Variants in HSPB6 observed in about 807,000 individuals in gnomAD.
The protein encoded by HSPB6 is heat shock protein beta-6.
In HSPB6, 8 loss-of-function variants were observed where a neutral mutation model predicts 10.7. That is an observed-to-expected ratio of 0.75 (90% CI 0.44 to 1.35). HSPB6 has a LOEUF of 1.35. Among genes scored for constraint, HSPB6 ranks in the 40% most tolerant of loss-of-function variants. The pLI is 0.00. For synonymous variants in HSPB6, 128 were observed against 114.2 expected, an observed-to-expected ratio of 1.12 and a Z score of -0.77; for missense variants, 232 against 236.0, an observed-to-expected ratio of 0.98 and a Z score of 0.11.
chr19:35,755,676 T>G lies in HSPB6; in HGVS notation c.329A>C (p.His110Pro). 6.5e-7 allele frequency: 1 copy of G among 1,535,374 alleles called. No individual in the cohort carries two copies. Among genetic ancestry groups the G allele is most frequent in the African/African-American group, 1.4e-5 (1 of 71,714 alleles). ...GTGGAACTCGCGCGCGACGAATCCG[T>G]GCTCATCCTGGAGGGGAGGGAGGCT... ...HARHEERPDEHGFVAREFHRR... is the reference protein window; with the variant it reads ...HARHEERPDEPGFVAREFHRR... The change falls in exon 3 of 3, where the codon CAC becomes CCC. Residue 110 changes from histidine to proline, a missense_variant. Transcript: ENST00000004982.
In HSPB6 at chr19:35,755,556, G is replaced by A. The variant is rs1970741858; in HGVS notation, c.449C>T (p.Ser150Leu). 5 of 1,505,032 alleles carry A rather than the reference G, an allele frequency of 3.3e-6. No individual in the cohort carries two copies. Among genetic ancestry groups the A allele is most frequent in the East Asian group, 2.6e-5 (1 of 38,608 alleles). 93.2% of individuals were successfully genotyped at this position (1,505,032 alleles called of 1,614,324 possible). ...TGCGGCTGGCGGTGGGGCCTGGGCC[G>A]ACGCTGGTGCGGCCTGGATGGACAG... ...GVLSIQAAPA[S>L]AQAPPPAAAK The change falls in exon 3 of 3, where the codon TCG becomes TTG. Residue 150 changes from serine to leucine, a missense_variant. Physicochemically the swap from Ser to Leu is moderately radical, Grantham distance 145 (BLOSUM62 -2). Transcript: ENST00000004982.
At chr19:35,756,493 C>G (rs1053221283) in intron 1 of HSPB6, among the ~76,000 whole-genome samples, 8 of 152,150 alleles carry the variant, frequency 5.3e-5, no homozygotes, top group Non-Finnish European at 1.0e-4. Flanking sequence ...AGTCACTGCC[C>G]GCCTCCTTTT....
At chr19:35,756,038 C>A in intron 1 of HSPB6, 144 bp from the exon 2 acceptor site, 2 of 1,156,434 alleles carry the variant, frequency 1.7e-6, no homozygotes, top group Admixed American at 2.6e-5. Flanking sequence ...TACTGGGAGT[C>A]ACCCAGGACC....
chr19:35,754,578 T>G lies in HSPB6; in HGVS notation c.*944A>C. ...AGGCACAAAGCAGTTGGCAGAGCTCTAGCACATTTATTGGGAGAGTAAGCC... is the reference window on the plus strand; with the variant it reads ...AGGCACAAAGCAGTTGGCAGAGCTCGAGCACATTTATTGGGAGAGTAAGCC... On this transcript the variant is annotated 3_prime_UTR_variant, in exon 3 of 3. Coordinates refer to ENST00000004982, the MANE Select transcript of HSPB6 (RefSeq NM_144617.3). The G allele has an allele frequency of 1.6e-5, 16 of 1,019,702 alleles. No homozygotes were observed. Among genetic ancestry groups the G allele is most frequent in the Non-Finnish European group, 2.1e-5 (14 of 660,498 alleles). 63.2% of individuals were successfully genotyped at this position (1,019,702 alleles called of 1,614,324 possible). A position where few individuals can be genotyped will look rare whatever the true frequency, so the allele number is the denominator to read the frequency against.
In HSPB6 at chr19:35,756,972, G is replaced by A; in HGVS notation, c.37C>T (p.Arg13Cys). ...IPVPVQPSWLRRASAPLPGLS... is the reference protein window; with the variant it reads ...IPVPVQPSWLCRASAPLPGLS... ...CCGGGCAACGGGGCCGAGGCGCGGC[G>A]CAGCCAAGACGGCTGCACAGGCACA... Residue 13 changes from arginine to cysteine, a missense_variant, in exon 1 of 3, where the codon CGC becomes TGC. Transcript: ENST00000004982. The A allele has an allele frequency of 6.5e-7, 1 of 1,545,380 alleles. No individual in the cohort carries two copies. Among genetic ancestry groups the A allele is most frequent in the Non-Finnish European group, 8.7e-7 (1 of 1,146,678 alleles).
Position 35,755,584 on chromosome 19 carries a change from C to T in HSPB6, c.421G>A (p.Val141Ile). Residue 141 changes from valine (V) to isoleucine (I), a missense_variant, in exon 3 of 3, where the codon GTC becomes ATC. Physicochemically the swap from Val to Ile is conservative, Grantham distance 29 (BLOSUM62 3). Transcript: ENST00000004982. ...AVTSALSPEG[V>I]LSIQAAPASA... ...GCTGGTGCGGCCTGGATGGACAGGA[C>T]GCCCTCGGGGGACAGCGCGGACGTC... The T allele has an allele frequency of 6.5e-7, 1 of 1,531,536 alleles. No individual in the cohort carries two copies. Among genetic ancestry groups the T allele is most frequent in the Non-Finnish European group, 8.7e-7 (1 of 1,144,284 alleles). 94.9% of individuals were successfully genotyped at this position (1,531,536 alleles called of 1,614,324 possible).
At position 35,756,907 on chromosome 19, in the gene HSPB6, G is replaced by C. The variant is rs1970770270; in HGVS notation, c.102C>G (p.Gly34=). Residue 34 remains glycine, a synonymous_variant, in exon 1 of 3, where the codon GGC becomes GGG. Transcript: ENST00000004982. The part of the protein sequence containing the change: ...APGRLFDQRF[G]EGLLEAELAA... The stretch of plus-strand genomic sequence containing the variant: ...CCAGCTCGGCCTCCAGCAGCCCCTC[G>C]CCGAAGCGCTGGTCAAAGAGGCGTC... The C allele has an allele frequency of 6.5e-7, 1 of 1,539,588 alleles. No individual in the cohort carries two copies. Among genetic ancestry groups the C allele is most frequent in the Admixed American group, 2.0e-5 (1 of 50,904 alleles).
rs1450942974 is a variant in HSPB6, at chr19:35,754,810, G to A, written c.*712C>T. On this transcript the variant is annotated 3_prime_UTR_variant, in exon 3 of 3. Transcript: ENST00000004982. The stretch of plus-strand genomic sequence containing the variant: ...AGGGGGCCTAGGACATCCGTGCAGA[G>A]TCTGGGGAGGTTGGGGTGGGAGAGT... The A allele has an allele frequency of 4.8e-6, 2 of 417,866 alleles. No individual in the cohort carries two copies. The highest frequency in any genetic ancestry group is 4.5e-6 in the Non-Finnish European group (1 of 223,188). 25.9% of individuals were successfully genotyped at this position (417,866 alleles called of 1,614,324 possible).
rs1182440932 is a variant in HSPB6, at chr19:35,756,823, C to T, written c.186G>A (p.Leu62=). 1.1e-5 allele frequency: 17 copies of T among 1,536,138 alleles called. No homozygotes were observed. Among genetic ancestry groups the T allele is most frequent in the Non-Finnish European group, 1.5e-5 (17 of 1,146,616 alleles). ...CCAGGCCTGGCACCTGGGCGACGGG[C>T]AGCGCCACGCTGGGTGCGCGCAGGT... is the stretch of plus-strand genomic sequence containing the variant. ...PYYLRAPSVA[L]PVAQVPTDPG... The change falls in exon 1 of 3, where the codon CTG becomes CTA. Residue 62 remains leucine (L), a synonymous_variant. Coordinates refer to ENST00000004982, the MANE Select transcript of HSPB6 (RefSeq NM_144617.3).
intron 1 of HSPB6, 132 bp from the exon 2 acceptor site, chr19:35,756,026 C>T (rs1970749322): frequency 3.8e-6 from 5 of 1,307,096 alleles, no homozygotes; most frequent in African/African-American, 1.5e-5. Context: ...AGTCAGCTCT[C>T]CTACTGGGAG....
rs751128090 is a variant in HSPB6 at position 35,755,369 on chromosome 19, C to A, written c.*153G>T. 1.3e-6 allele frequency: 1 copy of A among 789,696 alleles called. No homozygotes were observed. The highest frequency in any genetic ancestry group is 1.5e-5 in the South Asian group (1 of 67,852). The allele number at this position is 789,696 out of a possible 1,614,324, so 48.9% of individuals were successfully genotyped here. A position where few individuals can be genotyped will look rare whatever the true frequency, so the allele number is the denominator to read the frequency against. Reference sequence around the variant, plus strand: ...AGTGGAAGGGTCTATGTTATCAAGGCAGTGTCCAGGATGGAGGTCAGGGCA... The same window carrying A: ...AGTGGAAGGGTCTATGTTATCAAGGAAGTGTCCAGGATGGAGGTCAGGGCA... On this transcript the variant is annotated 3_prime_UTR_variant, in exon 3 of 3. Coordinates refer to ENST00000004982, the MANE Select transcript of HSPB6 (RefSeq NM_144617.3).
chr19:35,756,131 C>A (rs1011159914), intron 1 of HSPB6, among the ~76,000 whole-genome samples: 2 of 152,016 alleles, frequency 1.3e-5, no homozygotes, highest in African/African-American at 4.8e-5. Context: ...AGGCTCCCTT[C>A]CCCTGCAAGG....
In HSPB6 at chr19:35,755,815, AC is replaced by A; in HGVS notation, c.277del (p.Val93TrpfsTer40). On this transcript the variant is annotated frameshift_variant, in exon 2 of 3. Coordinates refer to ENST00000004982, the MANE Select transcript of HSPB6 (RefSeq NM_144617.3). LOFTEE classifies it high-confidence loss of function. ...CGCGTGCACCTCCACGTGTTCGCCC[AC>A]CACCTTGACAGCAATTTCCTCCGGC... ...FSPEEIAVKV[V>X]GEHVEVHARH... is the part of the protein sequence containing the mutation. 6.3e-7 allele frequency: 1 copy of A among 1,596,950 alleles called. No individual in the cohort carries two copies. The highest frequency in any genetic ancestry group is 8.5e-7 in the Non-Finnish European group (1 of 1,172,888).
In HSPB6 at chr19:35,754,907, A is replaced by G; in HGVS notation, c.*615T>C. The G allele has an allele frequency of 3.2e-6, 1 of 309,228 alleles. No individual in the cohort carries two copies. Among genetic ancestry groups the G allele is most frequent in the Non-Finnish European group, 6.3e-6 (1 of 159,754 alleles). 19.2% of individuals were successfully genotyped at this position (309,228 alleles called of 1,614,324 possible). A position where few individuals can be genotyped will look rare whatever the true frequency, so the allele number is the denominator to read the frequency against. On this transcript the variant is annotated 3_prime_UTR_variant, in exon 3 of 3. Coordinates refer to ENST00000004982, the MANE Select transcript of HSPB6 (RefSeq NM_144617.3). ...GTTGGGGCAGTCGAAAAAGGGTTCC[A>G]GAGTCTGGTGTGGCTGGCTGGGGTT... is the stretch of plus-strand genomic sequence containing the variant.
In HSPB6 at chr19:35,755,366, A is replaced by C. The variant is rs1450107875; in HGVS notation, c.*156T>G. ...GTCAGTGGAAGGGTCTATGTTATCA[A>C]GGCAGTGTCCAGGATGGAGGTCAGG... On this transcript the variant is annotated 3_prime_UTR_variant, in exon 3 of 3. Transcript: ENST00000004982. 2 of 785,086 alleles carry C rather than the reference A, an allele frequency of 2.5e-6. No homozygotes were observed. Among genetic ancestry groups the C allele is most frequent in the Non-Finnish European group, 4.3e-6 (2 of 464,710 alleles). 48.6% of individuals were successfully genotyped at this position (785,086 alleles called of 1,614,324 possible).
Position 35,755,198 on chromosome 19 carries a change from C to T in HSPB6, c.*324G>A, listed in dbSNP as rs2146529728. 2.0e-6 allele frequency: 1 copy of T among 511,870 alleles called. No individual in the cohort carries two copies. The highest frequency in any genetic ancestry group is 2.1e-5 in the South Asian group (1 of 46,968). 31.7% of individuals were successfully genotyped at this position (511,870 alleles called of 1,614,324 possible). A position where few individuals can be genotyped will look rare whatever the true frequency, so the allele number is the denominator to read the frequency against. The stretch of plus-strand genomic sequence containing the variant: ...ACTCAGAAGGAAGTAGAGGAGGGGT[C>T]TTAAGTGGGGCTATATGCCAAGAAA... On this transcript the variant is annotated 3_prime_UTR_variant, in exon 3 of 3. Coordinates refer to ENST00000004982, the MANE Select transcript of HSPB6 (RefSeq NM_144617.3).
At position 35,755,177 on chromosome 19, in the gene HSPB6, A is replaced by T; in HGVS notation, c.*345T>A. 2.2e-6 allele frequency: 1 copy of T among 448,162 alleles called. No individual in the cohort carries two copies. 27.8% of individuals were successfully genotyped at this position (448,162 alleles called of 1,614,324 possible). A position where few individuals can be genotyped will look rare whatever the true frequency, so the allele number is the denominator to read the frequency against. On this transcript the variant is annotated 3_prime_UTR_variant, in exon 3 of 3. Transcript: ENST00000004982. ...ACCCGGATGTCTTTGTAGAGGACTC[A>T]GAAGGAAGTAGAGGAGGGGTCTTAA...
Position 35,756,904 on chromosome 19 carries a change from C to A in HSPB6, c.105G>T (p.Glu35Asp). Residue 35 changes from glutamate to aspartate, a missense_variant, in exon 1 of 3, where the codon GAG becomes GAT. Glu to Asp is a conservative substitution (Grantham distance 45, BLOSUM62 2). Transcript: ENST00000004982. ...CAGCCAGCTCGGCCTCCAGCAGCCC[C>A]TCGCCGAAGCGCTGGTCAAAGAGGC... is the stretch of plus-strand genomic sequence containing the variant. ...PGRLFDQRFG[E>D]GLLEAELAAL... 1 of 1,539,532 alleles carries A rather than the reference C, an allele frequency of 6.5e-7. No individual in the cohort carries two copies. The highest frequency in any genetic ancestry group is 1.2e-5 in the South Asian group (1 of 83,886).
At chr19:35,756,472 T>C (rs1970758507) in intron 1 of HSPB6, among the ~76,000 whole-genome samples, 1 of 152,098 alleles carries the variant, frequency 6.6e-6, no homozygotes, top group South Asian at 2.1e-4. Context: ...AGAACATTCC[T>C]TCCCCTCAGG....
Sources: gnomAD v4.1 joint callset for allele counts (sites outside exome capture counted in the v4.1 genomes callset) on GRCh38, gnomAD v4.1.1 for gene constraint, MANE v1.5 for transcripts, NCBI Gene and HGNC (gene_info 2026-07-23, HGNC 2026-07-21) for gene names.